Variants in BRINP2 observed in about 807,000 individuals in gnomAD.
BRINP2 encodes the protein BMP/retinoic acid inducible neural specific 2.
A neutral mutation model predicts 69.2 loss-of-function variants in BRINP2; 21 were observed. The observed-to-expected ratio is 0.30, with a 90% confidence interval of 0.22 to 0.44. The LOEUF (loss-of-function observed/expected upper bound fraction) is 0.44. Ranked by LOEUF, BRINP2 falls within the 20% of genes least tolerant of loss-of-function variation. BRINP2 has a pLI of 1.00. For missense variants in BRINP2, 877 were observed against 986.0 expected, an observed-to-expected ratio of 0.89 and a Z score of 1.48; for synonymous variants, 380 against 394.1, an observed-to-expected ratio of 0.96 and a Z score of 0.42.
At chr1:177,198,129 T>G (rs1178769450) in intron 1 of BRINP2, among the ~76,000 whole-genome samples, 1 of 152,094 alleles carries the variant, frequency 6.6e-6, no homozygotes, top group East Asian at 1.9e-4. Flanking sequence ...TCATAAAAGT[T>G]TGAGTCTAAA....
intron 4 of BRINP2, among the ~76,000 whole-genome samples, chr1:177,258,511 A>G (rs1159781316): frequency 6.6e-6 from 1 of 152,230 alleles, no homozygotes; most frequent in Non-Finnish European, 1.5e-5. Context: ...TACAGGCAAT[A>G]GCTCATTTTG....
intron 6 of BRINP2, among the ~76,000 whole-genome samples, chr1:177,277,665 G>A (rs879723397): frequency 9.9e-5 from 15 of 152,008 alleles, no homozygotes; most frequent in Non-Finnish European, 1.8e-4. Flanking sequence ...GCATTCGGTA[G>A]CGAAGGAGAA....
intron 3 of BRINP2, 59 bp downstream of exon 3, chr1:177,256,168 G>A: frequency 1.9e-6 from 3 of 1,570,998 alleles, no homozygotes; most frequent in Non-Finnish European, 2.6e-6. Context: ...ATAACGTTAA[G>A]ACTCGTGTAG....
At chr1:177,189,991 G>A (rs1197014892) in intron 1 of BRINP2, among the ~76,000 whole-genome samples, 3 of 152,218 alleles carry the variant, frequency 2.0e-5, no homozygotes, top group African/African-American at 4.8e-5. Context: ...GAATCTGTAA[G>A]TTTCAACTGA....
chr1:177,270,660 T>A (rs1021160882), intron 4 of BRINP2, among the ~76,000 whole-genome samples: 3 of 152,110 alleles, frequency 2.0e-5, no homozygotes, highest in Non-Finnish European at 4.4e-5. Context: ...CTGGACCTGG[T>A]TGGTGAGTGA....
chr1:177,243,294 T>C (rs1329391535), intron 2 of BRINP2, among the ~76,000 whole-genome samples: 1 of 152,218 alleles, frequency 6.6e-6, no homozygotes, highest in African/African-American at 2.4e-5. Flanking sequence ...ACTGCTCTCC[T>C]TAACTGTAGC....
At position 177,276,199 on chromosome 1, in the gene BRINP2, C is replaced by T. The variant is rs763822576; in HGVS notation, c.777C>T (p.Gly259=). ...TTCCTTGACACATCCTTTCCCCAGGCCTTCAGGTGCTGCTGCCTGAGTATC... is the reference window on the plus strand; with the variant it reads ...TTCCTTGACACATCCTTTCCCCAGGTCTTCAGGTGCTGCTGCCTGAGTATC... ...QSPENKVQLL[G]LQVLLPEYLR... Residue 259 remains glycine, a splice_region_variant and synonymous_variant, in exon 6 of 8, where the codon GGC becomes GGT. Transcript: ENST00000361539. 1.2e-6 allele frequency: 2 copies of T among 1,611,016 alleles called. No homozygotes were observed. The highest frequency in any genetic ancestry group is 4.5e-5 in the East Asian group (2 of 44,792).
intron 7 of BRINP2, 70 bp downstream of exon 7, chr1:177,278,855 C>T (rs771009813): frequency 6.8e-5 from 100 of 1,480,824 alleles, no homozygotes; most frequent in Non-Finnish European, 9.1e-5. Flanking sequence ...CCAAGGAGAA[C>T]CCTCTGTCCA....
At chr1:177,243,095 C>T (rs1169842402) in intron 2 of BRINP2, among the ~76,000 whole-genome samples, 1 of 151,368 alleles carries the variant, frequency 6.6e-6, no homozygotes, top group Non-Finnish European at 1.5e-5. Context: ...AATGCTTATT[C>T]ATTTTGTGAG....
At position 177,268,446 on chromosome 1, in the gene BRINP2, G is replaced by C. The variant is rs539005318; in HGVS notation, c.670-5042G>C. Among the ~76,000 whole-genome samples the C allele has an allele frequency of 2.0e-5, 3 of 152,282 alleles. No individual in the cohort carries two copies. In the South Asian group the frequency reaches 6.2e-4, roughly 32 times the overall value. ...TCTGCTTACCTACTCTGCCTTGGTG[G>C]AGGAAAAGTTCCCCAGCATATCTGC... On this transcript the variant is annotated intron_variant, in intron 4 of 7. Transcript: ENST00000361539.
At chr1:177,230,554 C>T (rs1042324020) in intron 2 of BRINP2, among the ~76,000 whole-genome samples, 2 of 152,272 alleles carry the variant, frequency 1.3e-5, no homozygotes, top group South Asian at 4.1e-4. Flanking sequence ...AACATACAAA[C>T]AAAGGAAGGG....
At chr1:177,187,268 C>T (rs956284211) in intron 1 of BRINP2, among the ~76,000 whole-genome samples, 1 of 152,152 alleles carries the variant, frequency 6.6e-6, no homozygotes, top group Non-Finnish European at 1.5e-5. Context: ...ACAGAAAATG[C>T]TTACGGCACA....
chr1:177,227,102 C>A (rs1323660904), intron 1 of BRINP2, among the ~76,000 whole-genome samples: 1 of 152,184 alleles, frequency 6.6e-6, no homozygotes, highest in Non-Finnish European at 1.5e-5. Flanking sequence ...GATTAGCAAC[C>A]AGATCATGGG....
At chr1:177,211,269 T>G (rs1397122006) in intron 1 of BRINP2, among the ~76,000 whole-genome samples, 2 of 152,176 alleles carry the variant, frequency 1.3e-5, no homozygotes, top group African/African-American at 2.4e-5. Context: ...TAACTTTATT[T>G]TTTTCATTTT....
rs1179323955 is a variant in BRINP2, at chr1:177,181,386, A to T, written c.-77+9654A>T. On this transcript the variant is annotated intron_variant, in intron 1 of 7. Transcript: ENST00000361539. ...AGCCCCAGCTCAGGGAGGGCAGAAC[A>T]TCAGGCCCAGCGGCAGCGGGTAGCT... Among the ~76,000 whole-genome samples, 4 of 152,168 alleles carry T rather than the reference A, an allele frequency of 2.6e-5. No individual in the cohort carries two copies. In the East Asian group the frequency reaches 7.7e-4, roughly 29 times the overall value.
intron 1 of BRINP2, among the ~76,000 whole-genome samples, chr1:177,184,395 A>G (rs1170238777): frequency 1.3e-5 from 2 of 150,770 alleles, no homozygotes; most frequent in Admixed American, 1.3e-4. Context: ...CCCCACCCCA[A>G]CTCTCAGGAT....
chr1:177,196,627 AAAAG>A (rs1222456929), intron 1 of BRINP2, among the ~76,000 whole-genome samples: 1 of 151,878 alleles, frequency 6.6e-6, no homozygotes, highest in Non-Finnish European at 1.5e-5. Context: ...TCAAAAAAAA[AAAAG>A]AAAGAAAAAG....
intron 2 of BRINP2, among the ~76,000 whole-genome samples, chr1:177,250,957 GAATAT>G (rs1405112410): frequency 1.3e-5 from 2 of 152,128 alleles, no homozygotes; most frequent in African/African-American, 4.8e-5. Flanking sequence ...ATGGTGTTTT[GAATAT>G]AATATTAACT....
At position 177,229,889 on chromosome 1, in the gene BRINP2, T is replaced by C. The variant is rs1324606113; in HGVS notation, c.13T>C (p.Cys5Arg). Residue 5 changes from cysteine to arginine, a missense_variant, in exon 2 of 8, where the codon TGT becomes CGT. By Grantham distance (180) the Cys-to-Arg change is radical. Around this residue, in one of 3 missense-constraint regions of BRINP2, gnomAD observed 566 missense variants for 625.2 expected, o/e 0.91. Transcript: ENST00000361539. ...GCCCGGGAGAAGCATGAGGTGGCAG[T>C]GTGGCACTCGGTTTAGAGGGCTTCG... MRWQ[C>R]GTRFRGLRPA... 3 of 1,587,550 alleles carry C rather than the reference T, an allele frequency of 1.9e-6. No homozygotes were observed. Among genetic ancestry groups the C allele is most frequent in the Admixed American group, 1.7e-5 (1 of 58,178 alleles).
Sources: allele counts gnomAD v4.1 joint callset (sites outside exome capture counted in the v4.1 genomes callset), GRCh38; gene constraint gnomAD v4.1.1; regional missense constraint gnomAD v4.1.1; transcripts MANE v1.5; gene names NCBI Gene and HGNC (gene_info 2026-07-23, HGNC 2026-07-21).